AATK: variants seen among roughly 807,000 people sequenced by gnomAD.
AATK encodes lemur tail kinase 1, also known as serine/threonine-protein kinase LMTK1.
Under a neutral mutation model 114.3 loss-of-function variants are expected in AATK, and 91 were observed. That is an observed-to-expected ratio of 0.80 (90% confidence interval 0.67 to 0.95). The LOEUF (loss-of-function observed/expected upper bound fraction) is 0.95. Ranked by LOEUF, AATK falls within the 40% of genes least tolerant of loss-of-function variation. AATK has a pLI of 0.00. For synonymous variants in AATK, 1,075 were observed against 916.5 expected (o/e 1.17, Z -3.12); for missense variants, 2,176 against 1,965.2 (o/e 1.11, Z -2.03).
At chr17:81,141,450 C>A (rs1474251600) in intron 1 of AATK, among the ~76,000 whole-genome samples, 2 of 152,116 alleles carry the variant, frequency 1.3e-5, no homozygotes, top group Non-Finnish European at 1.5e-5. Flanking sequence ...CTGTCCCCCC[C>A]AAAAGAAAAG....
At chr17:81,123,112 G>T in intron 10 of AATK, 82 bp downstream of exon 10, 3 of 1,349,202 alleles carry the variant, frequency 2.2e-6, no homozygotes, top group Non-Finnish European at 2.9e-6. Flanking sequence ...ACGCCAGGGG[G>T]TCAGGGTGAG....
intron 1 of AATK, among the ~76,000 whole-genome samples, chr17:81,134,795 G>T (rs1187851652): frequency 6.6e-6 from 1 of 152,220 alleles, no homozygotes; most frequent in Admixed American, 6.5e-5. Flanking sequence ...CCCCTGAGAG[G>T]TCAGGGTCTC....
Position 81,126,332 on chromosome 17 carries a change from G to A in AATK, c.755+95C>T, listed in dbSNP as rs541446385. On this transcript the variant is annotated intron_variant, in intron 7 of 13. Coordinates refer to ENST00000326724, the MANE Select transcript of AATK (RefSeq NM_001080395.3). The surrounding 1 kb of genome is among the most constrained non-coding windows in gnomAD (Gnocchi z 5.1). ...CATGAGATGAACCTGGCCGGTCCTC[G>A]CAAGCCCCCTGAGGCAGGACCCGCC... The A allele has an allele frequency of 2.4e-5, 34 of 1,429,650 alleles. No homozygotes were observed. In the South Asian group the frequency reaches 3.0e-4, roughly 13 times the overall value. 88.6% of individuals were successfully genotyped at this position (1,429,650 alleles called of 1,614,324 possible). A position where few individuals can be genotyped will look rare whatever the true frequency, so the allele number is the denominator to read the frequency against.
chr17:81,162,606 G>A (rs894852486), intron 1 of AATK, among the ~76,000 whole-genome samples: 5 of 152,162 alleles, frequency 3.3e-5, no homozygotes, highest in African/African-American at 1.2e-4. Context: ...CTGGCCCGGG[G>A]CTCGCTGCCT....
intron 1 of AATK, among the ~76,000 whole-genome samples, chr17:81,163,079 C>A (rs1166493357): frequency 6.6e-6 from 1 of 152,202 alleles, no homozygotes; most frequent in East Asian, 1.9e-4. Context: ...CCTCAGCAAA[C>A]CAGAGGTGGC....
intron 1 of AATK, among the ~76,000 whole-genome samples, chr17:81,137,890 A>G (rs932031012): frequency 4.0e-5 from 6 of 151,526 alleles, no homozygotes; most frequent in Non-Finnish European, 8.8e-5. Flanking sequence ...ACAGGCATAT[A>G]CCCACGTGCA....
At chr17:81,119,229 T>TGGGGCCGGGAAGGAGC (rs71166125) in intron 13 of AATK, 151 bp downstream of exon 13, 41,611 of 815,200 alleles carry the variant, frequency 0.051, 2,096 homozygotes, top group African/African-American at 0.19. Context: ...AGGCTAGGTC[T>TGGGGCCGGGAAGGAGC]GGGGCCGGGA....
At chr17:81,163,879 C>T (rs1307209348) in intron 1 of AATK, among the ~76,000 whole-genome samples, 1 of 152,232 alleles carries the variant, frequency 6.6e-6, no homozygotes, top group African/African-American at 2.4e-5. Flanking sequence ...TGAGGTGAGA[C>T]CCCCATGTCA....
chr17:81,138,546 GCA>G (rs955789955), intron 1 of AATK, among the ~76,000 whole-genome samples: 7 of 125,310 alleles, frequency 5.6e-5, no homozygotes, highest in African/African-American at 2.1e-4. Flanking sequence ...ACGTTCGCGT[GCA>G]CACACGTGCA....
chr17:81,161,246 G>A (rs947017622), intron 1 of AATK, among the ~76,000 whole-genome samples: 4 of 152,248 alleles, frequency 2.6e-5, no homozygotes, highest in East Asian at 1.9e-4. Context: ...CCCTCGAGGC[G>A]CTGGCGGGAT....
rs571117913 is a variant in AATK at position 81,120,956 on chromosome 17, C to T, written c.2980G>A (p.Asp994Asn). ...TCGAGGTCTGAGAAGTAGGCAGAGT[C>T]TCGGTAGGGATTCTTCTCGTTGAGG... Reference protein sequence around the residue: ...SGLNEKNPYRDSAYFSDLEAE... With the variant: ...SGLNEKNPYRNSAYFSDLEAE... Residue 994 changes from aspartate (D) to asparagine (N), a missense_variant, in exon 11 of 14, where the codon GAC becomes AAC. Asp to Asn is a conservative substitution (Grantham distance 23, BLOSUM62 1). Coordinates refer to ENST00000326724, the MANE Select transcript of AATK (RefSeq NM_001080395.3). 145 of 1,609,578 alleles carry T rather than the reference C, an allele frequency of 9.0e-5. 1 individual carries two copies. In the South Asian group the frequency reaches 1.5e-3, roughly 17 times the overall value.
chr17:81,165,887 T>TCCGCAGC (rs1555604107), intron 1 of AATK, 51 bp downstream of exon 1: 6 of 1,551,226 alleles, frequency 3.9e-6, no homozygotes, highest in Middle Eastern at 1.7e-4. Flanking sequence ...GGGCATCACG[T>TCCGCAGC]CCGCAGCGGA....
At chr17:81,159,114 G>A (rs2061401036) in intron 1 of AATK, among the ~76,000 whole-genome samples, 1 of 152,194 alleles carries the variant, frequency 6.6e-6, no homozygotes. Flanking sequence ...CAGGGGCAGG[G>A]ATGCTCCACA....
At chr17:81,119,880 C>T in intron 12 of AATK, 56 bp downstream of exon 12, 3 of 1,402,230 alleles carry the variant, frequency 2.1e-6, no homozygotes, top group Admixed American at 3.4e-5. Context: ...TCCCACACAG[C>T]ACGGACCAGG....
intron 12 of AATK, among the ~76,000 whole-genome samples, 160 bp from the exon 13 acceptor site, chr17:81,119,740 AC>A (rs2060670300): frequency 7.4e-6 from 1 of 134,724 alleles, no homozygotes; most frequent in African/African-American, 2.9e-5. Flanking sequence ...CCCATGCAGC[AC>A]GGACAAGGCC....
At chr17:81,132,721 T>A (rs753156815) in intron 2 of AATK, 1 of 297,606 alleles carries the variant, frequency 3.4e-6, no homozygotes, top group African/African-American at 2.2e-5. Context: ...AGGGTCAGCA[T>A]TGGGGGCCTG....
intron 1 of AATK, among the ~76,000 whole-genome samples, chr17:81,158,234 G>C (rs2061390418): frequency 6.6e-6 from 1 of 152,264 alleles, no homozygotes; most frequent in South Asian, 2.1e-4. Flanking sequence ...CAGAGAGCAG[G>C]GCGGGGCCCA....
chr17:81,158,604 C>A (rs1016212990), intron 1 of AATK, among the ~76,000 whole-genome samples: 1 of 152,198 alleles, frequency 6.6e-6, no homozygotes. Context: ...CCGAGCCTGG[C>A]TCCCACAGGC....
chr17:81,124,922 C>G lies in AATK; in HGVS notation c.840+8G>C. ...CATGCCCAGCCCAGCCCACCCCACC[C>G]CACTCACTCTGTACTTGCAGTGAGC... On this transcript the variant is annotated splice_region_variant and intron_variant, in intron 8 of 13. Coordinates refer to ENST00000326724, the MANE Select transcript of AATK (RefSeq NM_001080395.3). 1 of 1,564,720 alleles carries G rather than the reference C, an allele frequency of 6.4e-7. No homozygotes were observed. The highest frequency in any genetic ancestry group is 8.7e-7 in the Non-Finnish European group (1 of 1,154,094).
Sources: gnomAD v4.1 joint callset for allele counts (sites outside exome capture counted in the v4.1 genomes callset) on GRCh38, gnomAD v4.1.1 for gene constraint, Gnocchi (gnomAD v3.1) non-coding constraint, MANE v1.5 for transcripts, NCBI Gene and HGNC (gene_info 2026-07-23, HGNC 2026-07-21) for gene names.